Variants in CPPED1 observed in about 807,000 individuals in gnomAD.
CPPED1 encodes the protein calcineurin like phosphoesterase domain containing 1, also known as serine/threonine-protein phosphatase CPPED1.
CPPED1 carries 28 observed loss-of-function variants against 28.0 expected under a neutral mutation model. The ratio of observed to expected loss-of-function variants is 1.00; its 90% CI spans 0.74 to 1.37. The LOEUF (loss-of-function observed/expected upper bound fraction) is 1.37. CPPED1 is among the 40% of genes most tolerant of loss of function. CPPED1 has a pLI of 0.00. For missense variants in CPPED1, 504 were observed against 416.5 expected, an observed-to-expected ratio of 1.21 and a Z score of -1.83; for synonymous variants, 198 against 180.2, an observed-to-expected ratio of 1.10 and a Z score of -0.79.
chr16:12,751,003 A>C (rs972871630), intron 2 of CPPED1, among the ~76,000 whole-genome samples: 1 of 148,580 alleles, frequency 6.7e-6, no homozygotes, highest in African/African-American at 2.5e-5. Context: ...CAACAACAAC[A>C]AAAAAAACAG....
At chr16:12,741,954 G>C (rs1257646949) in intron 2 of CPPED1, among the ~76,000 whole-genome samples, 1 of 152,008 alleles carries the variant, frequency 6.6e-6, no homozygotes, top group African/African-American at 2.4e-5. Flanking sequence ...TAATCCCAAT[G>C]ACTTGGGAGG....
chr16:12,757,519 C>T (rs866962803), intron 2 of CPPED1: 2 of 150,412 alleles, frequency 1.3e-5, no homozygotes, highest in African/African-American at 4.9e-5. Flanking sequence ...CATCGATATT[C>T]CACATGGATC....
chr16:12,778,361 C>T (rs1489554987), intron 2 of CPPED1, among the ~76,000 whole-genome samples: 1 of 149,018 alleles, frequency 6.7e-6, no homozygotes, highest in Non-Finnish European at 1.5e-5. Context: ...TTGCAACCTC[C>T]ACCTCCTGGG....
At chr16:12,770,959 C>A (rs1213552681) in intron 2 of CPPED1, among the ~76,000 whole-genome samples, 4 of 151,892 alleles carry the variant, frequency 2.6e-5, no homozygotes, top group African/African-American at 9.7e-5. Context: ...CCACAGTGAC[C>A]CCGAGGGAAG....
intron 2 of CPPED1, among the ~76,000 whole-genome samples, chr16:12,759,022 A>T (rs2080391135): frequency 6.6e-6 from 1 of 151,768 alleles, no homozygotes; most frequent in African/African-American, 2.4e-5. Context: ...AATTAGCTGG[A>T]CATGGTGGCA....
intron 1 of CPPED1, among the ~76,000 whole-genome samples, chr16:12,791,636 A>G (rs2080597287): frequency 6.6e-6 from 1 of 152,130 alleles, no homozygotes; most frequent in Admixed American, 6.6e-5. Context: ...CACCTGGGAG[A>G]AGGAGGCTGG....
intron 2 of CPPED1, among the ~76,000 whole-genome samples, chr16:12,722,361 G>A (rs1300423984): frequency 1.3e-5 from 2 of 152,216 alleles, no homozygotes; most frequent in African/African-American, 4.8e-5. Context: ...CTCCAGCTGA[G>A]GCAGGCTGCA....
Position 12,664,521 on chromosome 16 carries a change from T to G in CPPED1, c.*365A>C. 1 of 1,071,404 alleles carries G rather than the reference T, an allele frequency of 9.3e-7. No individual in the cohort carries two copies. The highest frequency in any genetic ancestry group is 1.1e-6 in the Non-Finnish European group (1 of 884,948). The allele number at this position is 1,071,404 out of a possible 1,614,324, so 66.4% of individuals were successfully genotyped here. Reference sequence around the variant, plus strand: ...GGAATTATCAAAGATCATACTTGGCTGTCAGATTGGAATTGAGGTCGATAG... The same window carrying G: ...GGAATTATCAAAGATCATACTTGGCGGTCAGATTGGAATTGAGGTCGATAG... On this transcript the variant is annotated 3_prime_UTR_variant, in exon 4 of 4. Transcript: ENST00000381774. This position sits in a 1 kb window ranked among gnomAD's most constrained non-coding sequence, Gnocchi z 4.2.
intron 2 of CPPED1, among the ~76,000 whole-genome samples, chr16:12,739,895 C>T (rs1440082099): frequency 6.6e-6 from 1 of 152,100 alleles, no homozygotes; most frequent in East Asian, 1.9e-4. Context: ...GGCTGGGCTA[C>T]AGCAGCCATT....
At chr16:12,742,684 T>A (rs192341877) in intron 2 of CPPED1, among the ~76,000 whole-genome samples, 151 of 152,272 alleles carry the variant, frequency 9.9e-4, no homozygotes, top group Non-Finnish European at 1.9e-3. Flanking sequence ...CAAGGGTAGT[T>A]CAGAACATTG....
At chr16:12,720,601 A>G (rs1296919120) in intron 2 of CPPED1, among the ~76,000 whole-genome samples, 1 of 152,024 alleles carries the variant, frequency 6.6e-6, no homozygotes, top group Non-Finnish European at 1.5e-5. Flanking sequence ...GATTCTCCTG[A>G]CTCAGCCTCC....
chr16:12,706,850 A>G (rs2080054131), intron 2 of CPPED1, among the ~76,000 whole-genome samples: 1 of 152,134 alleles, frequency 6.6e-6, no homozygotes, highest in Non-Finnish European at 1.5e-5. Flanking sequence ...GCCTTTCCCG[A>G]GCCCATTCCA....
At chr16:12,776,133 G>A (rs191060336) in intron 2 of CPPED1, among the ~76,000 whole-genome samples, 91 of 152,306 alleles carry the variant, frequency 6.0e-4, no homozygotes, top group African/African-American at 2.0e-3. Flanking sequence ...AGGAAAGCAG[G>A]AGAATCAGAG....
chr16:12,777,128 G>A (rs1194858100), intron 2 of CPPED1, among the ~76,000 whole-genome samples: 2 of 152,154 alleles, frequency 1.3e-5, no homozygotes, highest in African/African-American at 4.8e-5. Flanking sequence ...ATCATCAACT[G>A]AAACTAAGTC....
intron 3 of CPPED1, among the ~76,000 whole-genome samples, chr16:12,688,045 T>TC (rs1366735805): frequency 1.1e-4 from 16 of 151,494 alleles, no homozygotes; most frequent in African/African-American, 3.2e-4. Context: ...TTTTTTTTTT[T>TC]TTGAGACAGG....
chr16:12,794,813 T>A (rs904133041), intron 1 of CPPED1, among the ~76,000 whole-genome samples: 13 of 152,216 alleles, frequency 8.5e-5, no homozygotes, highest in Non-Finnish European at 1.6e-4. Flanking sequence ...AAGGCAGTTT[T>A]TGAGACACAC....
In CPPED1 at chr16:12,660,652, A is replaced by G. The variant is rs554302723; in HGVS notation, c.*4234T>C. On this transcript the variant is annotated 3_prime_UTR_variant, in exon 4 of 4. Transcript: ENST00000381774. ...ATGTGCAATCAAAACTGTTGAGGTT[A>G]CCTGAATAAAAAAAATCCCTGATGT... is the stretch of plus-strand genomic sequence containing the variant. 10 of 152,136 alleles carry G rather than the reference A, an allele frequency of 6.6e-5. No individual in the cohort carries two copies. Among genetic ancestry groups the G allele is most frequent in the Non-Finnish European group, 1.5e-4 (10 of 68,024 alleles). The allele number at this position is 152,136 out of a possible 1,614,324, so 9.4% of individuals were successfully genotyped here. A position where few individuals can be genotyped will look rare whatever the true frequency, so the allele number is the denominator to read the frequency against.
chr16:12,781,278 G>T lies in CPPED1; in HGVS notation c.196C>A (p.Arg66Ser). The part of the protein sequence containing the change: ...NGGDEWEQEI[R>S]LTEQAVQAIN... ...GCCTGGACGGCTTGCTCAGTTAGAC[G>T]GATCTCCTGTTCCCATTCGTCACCG... is the stretch of plus-strand genomic sequence containing the variant. The change falls in exon 2 of 4, where the codon CGT becomes AGT. Residue 66 changes from arginine (R) to serine (S), a missense_variant. By Grantham distance (110) the Arg-to-Ser change is moderately radical (BLOSUM62 -1). Transcript: ENST00000381774. 3.7e-6 allele frequency: 6 copies of T among 1,614,126 alleles called. No individual in the cohort carries two copies. The highest frequency in any genetic ancestry group is 5.1e-6 in the Non-Finnish European group (6 of 1,180,016).
At chr16:12,717,242 T>A (rs1256365055) in intron 2 of CPPED1, among the ~76,000 whole-genome samples, 1 of 152,162 alleles carries the variant, frequency 6.6e-6, no homozygotes, top group African/African-American at 2.4e-5. Context: ...GATTATCTCA[T>A]CTGAATCTAT....
Sources: gnomAD v4.1 joint callset for allele counts (sites outside exome capture counted in the v4.1 genomes callset) on GRCh38, gnomAD v4.1.1 for gene constraint, Gnocchi (gnomAD v3.1) non-coding constraint, MANE v1.5 for transcripts, NCBI Gene and HGNC (gene_info 2026-07-23, HGNC 2026-07-21) for gene names.